The following PRKCH variants were observed in gnomAD, a reference collection of about 807,000 sequenced individuals.
PRKCH encodes protein kinase C eta type.
PRKCH carries 28 observed loss-of-function variants against 82.5 expected under a neutral mutation model. The observed-to-expected ratio is 0.34, with a 90% CI of 0.25 to 0.47. The LOEUF is 0.47. PRKCH is among the 20% of genes least tolerant of loss of function. The probability of loss-of-function intolerance (pLI) is 1.00; values close to 1 mark genes in which losing one functional copy is unlikely to be tolerated. For synonymous variants in PRKCH, 322 were observed against 327.4 expected (o/e 0.98, Z 0.18); for missense variants, 705 against 881.8 (o/e 0.80, Z 2.54).
chr14:61,421,846 C>T (rs79342534), intron 2 of PRKCH, among the ~76,000 whole-genome samples: 6,983 of 152,162 alleles, frequency 0.046, 515 homozygotes, highest in African/African-American at 0.16. Flanking sequence ...GGGCACCAAG[C>T]CTTGACTTGA....
intron 1 of PRKCH, among the ~76,000 whole-genome samples, chr14:61,307,531 A>G (rs1021231442): frequency 1.3e-5 from 2 of 152,212 alleles, no homozygotes; most frequent in Admixed American, 1.3e-4. Context: ...TTACATTCTG[A>G]AGACCCAGAG....
intron 12 of PRKCH, among the ~76,000 whole-genome samples, chr14:61,539,714 C>CTTT (rs2043157830): frequency 6.6e-6 from 1 of 151,234 alleles, no homozygotes; most frequent in Non-Finnish European, 1.5e-5. Flanking sequence ...TTTTTTTTTC[C>CTTT]TCCCAGAGTT....
At chr14:61,249,901 G>A (rs2044926864) in intron 1 of PRKCH, among the ~76,000 whole-genome samples, 1 of 151,334 alleles carries the variant, frequency 6.6e-6, no homozygotes, top group Admixed American at 6.6e-5. Flanking sequence ...TTACAGGCGT[G>A]AGCCACCACG....
In PRKCH at chr14:61,398,835, C is replaced by G. The variant is rs534832486; in HGVS notation, c.427+7547C>G. On this transcript the variant is annotated intron_variant, in intron 2 of 13. Transcript: ENST00000332981. ...GAAGAAAAAAGTAAAGGAAAGAGAA[C>G]CAAAGTAACAAGAGAGAGGCATATT... 4.6e-5 allele frequency among the ~76,000 whole-genome samples: 7 copies of G among 152,134 alleles called. No homozygotes were observed. The South Asian group carries it at 1.2e-3, about 27-fold the overall frequency.
At chr14:61,188,622 G>A (rs2044386009) in intron 1 of PRKCH, among the ~76,000 whole-genome samples, 1 of 72,138 alleles carries the variant, frequency 1.4e-5, no homozygotes, top group Admixed American at 1.4e-4. Flanking sequence ...GTGTGTGTGT[G>A]TGTGTGTGTG....
In PRKCH at chr14:61,526,126, C is replaced by A. The variant is rs112534555; in HGVS notation, c.1434-2949C>A. 1.8e-3 allele frequency among the ~76,000 whole-genome samples: 275 copies of A among 152,326 alleles called. 2 individuals carry two copies. Among genetic ancestry groups the A allele is most frequent in the African/African-American group, 6.3e-3 (261 of 41,562 alleles). ...CCGTCCTGCGCTGCTACGATTGCAA[C>A]CTTTTGTAGGTTAAACTGGCTGTGC... On this transcript the variant is annotated intron_variant, in intron 10 of 13. Coordinates refer to ENST00000332981, the MANE Select transcript of PRKCH (RefSeq NM_006255.5).
At chr14:61,193,948 T>C (rs537704492) in intron 1 of PRKCH, among the ~76,000 whole-genome samples, 1 of 152,344 alleles carries the variant, frequency 6.6e-6, no homozygotes, top group South Asian at 2.1e-4. Context: ...TTTCTGAAAT[T>C]AGTGCTCTGA....
At chr14:61,379,862 A>C (rs2046476388) in intron 1 of PRKCH, among the ~76,000 whole-genome samples, 1 of 152,180 alleles carries the variant, frequency 6.6e-6, no homozygotes. Flanking sequence ...CTTAGCAGAA[A>C]CGAGGAGTGG....
chr14:61,188,927 T>G (rs2044389321), intron 1 of PRKCH, among the ~76,000 whole-genome samples: 1 of 151,934 alleles, frequency 6.6e-6, no homozygotes, highest in Non-Finnish European at 1.5e-5. Flanking sequence ...ACCATGTTGA[T>G]CAGGCTGGTC....
At chr14:61,357,376 G>A (rs1397232399) in intron 1 of PRKCH, among the ~76,000 whole-genome samples, 1 of 152,144 alleles carries the variant, frequency 6.6e-6, no homozygotes, top group Admixed American at 6.5e-5. Context: ...CTGTCCTGAT[G>A]CCTGCAAACT....
At chr14:61,485,883 A>G (rs774345971) in intron 10 of PRKCH, among the ~76,000 whole-genome samples, 1 of 152,140 alleles carries the variant, frequency 6.6e-6, no homozygotes, top group Non-Finnish European at 1.5e-5. Context: ...TGGACCTCCC[A>G]AGTAGATAGC....
At position 61,280,946 on chromosome 14, in the gene PRKCH, T is replaced by G; in HGVS notation, c.-19+93278T>G. On this transcript the variant is annotated intron_variant, in intron 1 of 3. Coordinates refer to the PRKCH transcript ENST00000555185. This position sits in a 1 kb window ranked among gnomAD's most constrained non-coding sequence, Gnocchi z 5.0. ...CAGTTACCGGTGCCCGGGTCGCCTG[T>G]ATAGTCGTACTCCAGCTCCTTGATG... 6.5e-7 allele frequency: 1 copy of G among 1,542,542 alleles called. No individual in the cohort carries two copies. Among genetic ancestry groups the G allele is most frequent in the Non-Finnish European group, 8.7e-7 (1 of 1,147,724 alleles).
In PRKCH at chr14:61,322,167, G is replaced by T. The variant is rs1258636267; in HGVS notation, c.66G>T (p.Leu22=). 2 of 1,609,844 alleles carry T rather than the reference G, an allele frequency of 1.2e-6. No homozygotes were observed. Among genetic ancestry groups the T allele is most frequent in the Non-Finnish European group, 1.7e-6 (2 of 1,178,418 alleles). ...TCCGCATCGGTGAGGCAGTGGGGCT[G>T]CAGCCCACCCGCTGGTCCCTGCGCC... ...LRVRIGEAVG[L]QPTRWSLRHS... The change falls in exon 1 of 14, where the codon CTG becomes CTT. Residue 22 remains leucine, a synonymous_variant. Coordinates refer to ENST00000332981, the MANE Select transcript of PRKCH (RefSeq NM_006255.5).
chr14:61,280,417 C>A lies in PRKCH; in HGVS notation c.-19+92749C>A. ...CACCACGAAGTCCTGATTGATGAAG[C>A]CGGTGTTGTTGGGGTCGGGGCTGAG... On this transcript the variant is annotated intron_variant, in intron 1 of 3. Transcript: ENST00000555185. The surrounding 1 kb of genome is among the most constrained non-coding windows in gnomAD (Gnocchi z 5.0). 6.2e-7 allele frequency: 1 copy of A among 1,614,014 alleles called. No individual in the cohort carries two copies. The highest frequency in any genetic ancestry group is 8.5e-7 in the Non-Finnish European group (1 of 1,179,900).
intron 10 of PRKCH, among the ~76,000 whole-genome samples, chr14:61,505,542 A>G (rs184075842): frequency 4.1e-4 from 62 of 150,256 alleles, no homozygotes; most frequent in African/African-American, 1.5e-3. Flanking sequence ...CGCCTGGCCA[A>G]TTTTGTATTT....
chr14:61,356,694 G>T (rs999153708), intron 1 of PRKCH, among the ~76,000 whole-genome samples: 1 of 152,070 alleles, frequency 6.6e-6, no homozygotes, highest in African/African-American at 2.4e-5. Flanking sequence ...GTTTTGTTTT[G>T]TTTTTGAGAT....
At chr14:61,515,920 C>T (rs1391400341) in intron 10 of PRKCH, among the ~76,000 whole-genome samples, 1 of 142,406 alleles carries the variant, frequency 7.0e-6, no homozygotes, top group Non-Finnish European at 1.5e-5. Flanking sequence ...CTATGCTAAA[C>T]CTAATTCACA....
At chr14:61,416,477 T>C (rs1882565771) in intron 2 of PRKCH, among the ~76,000 whole-genome samples, 1 of 152,192 alleles carries the variant, frequency 6.6e-6, no homozygotes, top group African/African-American at 2.4e-5. Context: ...CAATCTCTTG[T>C]TAGTATTTAA....
chr14:61,254,861 C>T (rs1044590104), intron 1 of PRKCH, among the ~76,000 whole-genome samples: 1 of 152,086 alleles, frequency 6.6e-6, no homozygotes, highest in African/African-American at 2.4e-5. Flanking sequence ...TGGTGTAGAC[C>T]AGCATCGCCA....
Sources: allele counts gnomAD v4.1 joint callset (sites outside exome capture counted in the v4.1 genomes callset), GRCh38; gene constraint gnomAD v4.1.1; non-coding constraint Gnocchi (gnomAD v3.1); transcripts MANE v1.5; gene names NCBI Gene and HGNC (gene_info 2026-07-23, HGNC 2026-07-21).